The following SF3B1 variants were observed in gnomAD, a reference collection of about 807,000 sequenced individuals.
The protein encoded by SF3B1 is pre-mRNA processing 10.
A neutral mutation model predicts 153.8 loss-of-function variants in SF3B1; 12 were observed. The ratio of observed to expected loss-of-function variants is 0.08; its 90% CI spans 0.05 to 0.13. SF3B1 has a LOEUF of 0.13. SF3B1 is among the 10% of genes least tolerant of loss of function. The probability of loss-of-function intolerance (pLI) is 1.00; values close to 1 mark genes in which losing one functional copy is unlikely to be tolerated. For synonymous variants in SF3B1, 498 were observed against 525.2 expected, an observed-to-expected ratio of 0.95 and a Z score of 0.71; for missense variants, 513 against 1,606.1, an observed-to-expected ratio of 0.32 and a Z score of 11.63.
At chr2:197,392,580 G>GGA in intron 24 of SF3B1, 119 bp from the exon 25 acceptor site, 2 of 301,998 alleles carry the variant, frequency 6.6e-6, no homozygotes, top group Non-Finnish European at 1.2e-5. Flanking sequence ...TGGGGGGGGG[G>GGA]GAACCTACTA....
chr2:197,403,719 C>A lies in SF3B1; in HGVS notation c.1585G>T (p.Gly529Cys). The change falls in exon 12 of 25, where the codon GGT becomes TGT. Residue 529 changes from glycine (G) to cysteine (C), a missense_variant. By Grantham distance (159) the Gly-to-Cys change is radical. This residue lies in a region of SF3B1 where 34 missense variants were observed against 190.8 expected (regional missense o/e 0.18). Transcript: ENST00000335508. Reference sequence around the variant, plus strand: ...GGAAGAATCTGATTAAACAAAGGACCAGCTCCAAATTCACGAGCTTTATCA... The same window carrying A: ...GGAAGAATCTGATTAAACAAAGGACAAGCTCCAAATTCACGAGCTTTATCA... ...ITDKAREFGA[G>C]PLFNQILPLL... is the part of the protein sequence containing the mutation. 1 of 1,595,412 alleles carries A rather than the reference C, an allele frequency of 6.3e-7. No homozygotes were observed. The highest frequency in any genetic ancestry group is 1.4e-5 in the African/African-American group (1 of 73,800).
At position 197,396,020 on chromosome 2, in the gene SF3B1, A is replaced by G. The variant is rs1029849180; in HGVS notation, c.3539+36T>C. 1.6e-5 allele frequency: 24 copies of G among 1,518,090 alleles called. No homozygotes were observed. In the African/African-American group the frequency reaches 3.0e-4, roughly 19 times the overall value. The allele number at this position is 1,518,090 out of a possible 1,614,324, so 94.0% of individuals were successfully genotyped here. A position where few individuals can be genotyped will look rare whatever the true frequency, so the allele number is the denominator to read the frequency against. ...GATGTTCTAAAATGAAGGAAGAGTTATAATTATTTTCTTGTATTTAGTTCA... is the reference window on the plus strand; with the variant it reads ...GATGTTCTAAAATGAAGGAAGAGTTGTAATTATTTTCTTGTATTTAGTTCA... On this transcript the variant is annotated intron_variant, in intron 23 of 24. Transcript: ENST00000335508.
At position 197,396,127 on chromosome 2, in the gene SF3B1, T is replaced by C. The variant is rs2084872283; in HGVS notation, c.3468A>G (p.Glu1156=). The C allele has an allele frequency of 6.2e-7, 1 of 1,613,894 alleles. No individual in the cohort carries two copies. Among genetic ancestry groups the C allele is most frequent in the Admixed American group, 1.7e-5 (1 of 60,022 alleles). The change falls in exon 23 of 25, where the codon GAA becomes GAG. Residue 1156 remains glutamate (E), a synonymous_variant. Transcript: ENST00000335508. ...GVLKSLSFLF[E]YIGEMGKDYI... is the part of the protein sequence containing the mutation. The stretch of plus-strand genomic sequence containing the variant: ...AGTCTTTTCCCATTTCACCAATATA[T>C]TCAAACAAGAAGGAAAGCGATTTTA...
intron 4 of SF3B1, chr2:197,419,006 A>G: frequency 2.2e-6 from 3 of 1,376,400 alleles, no homozygotes; most frequent in Non-Finnish European, 3.0e-6. Context: ...TTTATATTCA[A>G]AACATTACCT....
At chr2:197,418,284 A>G (rs894125504) in intron 5 of SF3B1, among the ~76,000 whole-genome samples, 4 of 146,044 alleles carry the variant, frequency 2.7e-5, no homozygotes, top group Non-Finnish European at 6.0e-5. Context: ...AGACACATAC[A>G]TACAAACATA....
chr2:197,433,755 C>A (rs1559283053), intron 1 of SF3B1, among the ~76,000 whole-genome samples: 1 of 152,138 alleles, frequency 6.6e-6, no homozygotes, highest in South Asian at 2.1e-4. Context: ...CTACTTGCAC[C>A]CTCTGTTCCT....
chr2:197,425,110 C>A (rs1013204374), intron 1 of SF3B1, among the ~76,000 whole-genome samples: 3 of 152,026 alleles, frequency 2.0e-5, no homozygotes, highest in Non-Finnish European at 4.4e-5. Context: ...GAGCCGAGAT[C>A]ACGTGCCACT....
At chr2:197,420,292 C>T (rs2085219077) in intron 4 of SF3B1, 136 bp downstream of exon 4, 9 of 608,758 alleles carry the variant, frequency 1.5e-5, no homozygotes, top group Non-Finnish European at 2.1e-5. Context: ...TCAACCACAT[C>T]TATACAAATC....
rs769579429 is a variant in SF3B1 at position 197,396,331 on chromosome 2, G to GA, written c.3267-4dup. 1.1e-5 allele frequency: 18 copies of GA among 1,594,644 alleles called. No individual in the cohort carries two copies. Among genetic ancestry groups the GA allele is most frequent in the Non-Finnish European group, 1.5e-5 (18 of 1,169,054 alleles). On this transcript the variant is annotated splice_polypyrimidine_tract_variant and splice_region_variant and intron_variant, in intron 22 of 24. Transcript: ENST00000335508. ...GTGTAGCCAATACATCATGAGGGCT[G>GA]AAAAAAACAAATGGGTCAACAAGCT...
chr2:197,407,759 A>G (rs2105993487), intron 9 of SF3B1, among the ~76,000 whole-genome samples: 1 of 152,300 alleles, frequency 6.6e-6, no homozygotes, highest in Non-Finnish European at 1.5e-5. Context: ...CAGTTCTCAA[A>G]GTATAACCGA....
chr2:197,429,964 T>C (rs1024772293), intron 1 of SF3B1, among the ~76,000 whole-genome samples: 4 of 151,966 alleles, frequency 2.6e-5, no homozygotes, highest in African/African-American at 9.7e-5. Flanking sequence ...ACAGCCACTT[T>C]CCCCAATTCC....
In SF3B1 at chr2:197,402,159, T is replaced by C. The variant is rs2084942256; in HGVS notation, c.2078-29A>G. 1.3e-6 allele frequency: 2 copies of C among 1,574,516 alleles called. No individual in the cohort carries two copies. Among genetic ancestry groups the C allele is most frequent in the Non-Finnish European group, 8.6e-7 (1 of 1,159,696 alleles). On this transcript the variant is annotated intron_variant, in intron 14 of 24. Transcript: ENST00000335508. The surrounding 1 kb of genome is among the most constrained non-coding windows in gnomAD (Gnocchi z 4.6). Reference sequence around the variant, plus strand: ...CAAAACCAAACACAGGTTTTAACTATGCCCCAACATTACCTAAGTTACACA... The same window carrying C: ...CAAAACCAAACACAGGTTTTAACTACGCCCCAACATTACCTAAGTTACACA...
Position 197,401,030 on chromosome 2 carries a change from T to C in SF3B1, c.2497-94A>G. ...AACCAAATACTCTAAATATACTACT[T>C]ATTTAGCTAATAAACATGGTAAGAA... On this transcript the variant is annotated intron_variant, in intron 17 of 24. Coordinates refer to ENST00000335508, the MANE Select transcript of SF3B1 (RefSeq NM_012433.4). This position sits in a 1 kb window ranked among gnomAD's most constrained non-coding sequence, Gnocchi z 4.2. The C allele has an allele frequency of 1.4e-6, 1 of 711,472 alleles. No homozygotes were observed. The highest frequency in any genetic ancestry group is 2.3e-6 in the Non-Finnish European group (1 of 428,230). 44.1% of individuals were successfully genotyped at this position (711,472 alleles called of 1,614,324 possible).
chr2:197,422,148 A>T (rs2085253902), intron 2 of SF3B1, among the ~76,000 whole-genome samples: 2 of 152,092 alleles, frequency 1.3e-5, no homozygotes, highest in Non-Finnish European at 2.9e-5. Context: ...TATAGCTATC[A>T]CTTTCTTTTA....
At chr2:197,399,163 C>T in intron 20 of SF3B1, 1 of 1,109,070 alleles carries the variant, frequency 9.0e-7, no homozygotes, top group Non-Finnish European at 1.2e-6. Flanking sequence ...TTAAAACTCC[C>T]TGCAAACCAG....
At position 197,408,308 on chromosome 2, in the gene SF3B1, A is replaced by G. The variant is rs2085021178; in HGVS notation, c.1117+61T>C. On this transcript the variant is annotated intron_variant, in intron 8 of 24. Transcript: ENST00000335508. The stretch of plus-strand genomic sequence containing the variant: ...CATTAATAGTACACAGAATACCACA[A>G]AGGAAAAAATTAAATAATTTATGGA... The G allele has an allele frequency of 5.9e-6, 9 of 1,519,480 alleles. No individual in the cohort carries two copies. In the South Asian group the frequency reaches 1.0e-4, roughly 17 times the overall value. The allele number at this position is 1,519,480 out of a possible 1,614,324, so 94.1% of individuals were successfully genotyped here.
intron 1 of SF3B1, 97 bp from the exon 2 acceptor site, chr2:197,424,071 T>TAG: frequency 1.0e-6 from 1 of 1,001,486 alleles, no homozygotes; most frequent in Non-Finnish European, 1.5e-6. Flanking sequence ...AATACTCTCT[T>TAG]AAATACAGAA....
intron 6 of SF3B1, among the ~76,000 whole-genome samples, chr2:197,413,814 G>GT (rs536705203): frequency 0.01 from 1,508 of 145,518 alleles, 18 homozygotes; most frequent in African/African-American, 0.025. Flanking sequence ...GTTTTGTTTT[G>GT]TTTTTTTTTT....
chr2:197,407,032 G>A (rs1428417206), intron 9 of SF3B1, among the ~76,000 whole-genome samples: 4 of 152,180 alleles, frequency 2.6e-5, no homozygotes, highest in Non-Finnish European at 5.9e-5. Flanking sequence ...AGGCTGCAGT[G>A]AGCTATGTCA....
Sources: allele counts gnomAD v4.1 joint callset (sites outside exome capture counted in the v4.1 genomes callset), GRCh38; gene constraint gnomAD v4.1.1; regional missense constraint gnomAD v4.1.1; non-coding constraint Gnocchi (gnomAD v3.1); transcripts MANE v1.5; gene names NCBI Gene and HGNC (gene_info 2026-07-23, HGNC 2026-07-21).